The following PRSS38 variants were observed in gnomAD, a reference collection of about 807,000 sequenced individuals.
PRSS38 encodes the protein serine protease 38, also known as marapsin 2.
In PRSS38, 22 loss-of-function variants were observed where a neutral mutation model predicts 26.8. The ratio of observed to expected loss-of-function variants is 0.82; its 90% confidence interval spans 0.59 to 1.17. PRSS38 has a LOEUF of 1.17. Among genes scored for constraint, PRSS38 ranks in the 50% most tolerant of loss-of-function variants. The probability of loss-of-function intolerance (pLI) is 0.00; values close to 1 mark genes in which losing one functional copy is unlikely to be tolerated. For synonymous variants in PRSS38, 175 were observed against 172.1 expected (o/e 1.02, Z -0.13); for missense variants, 427 against 422.7 (o/e 1.01, Z -0.09).
At chr1:227,820,089 C>CA (rs61564441) in intron 3 of PRSS38, among the ~76,000 whole-genome samples, 7,858 of 40,906 alleles carry the variant, frequency 0.19, 920 homozygotes, top group Non-Finnish European at 0.28. Context: ...AACTCCATCT[C>CA]AAAAAAAAAA....
chr1:227,816,456 C>A lies in PRSS38; in HGVS notation c.311+204C>A, dbSNP rs115183411. ...GTCCCCATTCTTGAGGCTGGTCCCC[C>A]AAGTGCACAGCCAGGTCCTCAAGAG... is the stretch of plus-strand genomic sequence containing the variant. On this transcript the variant is annotated intron_variant, in intron 2 of 4. Transcript: ENST00000366757. The surrounding 1 kb of genome is among the most constrained non-coding windows in gnomAD (Gnocchi z 5.1). Among the ~76,000 whole-genome samples, 2,767 of 151,974 alleles carry A rather than the reference C, an allele frequency of 0.018. 94 individuals are homozygous for A. The highest frequency in any genetic ancestry group is 0.063 in the African/African-American group (2,632 of 41,454).
rs1197283602 is a variant in PRSS38 at position 227,817,481 on chromosome 1, G to C, written c.583+1G>C. On this transcript the variant is annotated splice_donor_variant, in intron 3 of 4. Coordinates refer to ENST00000366757, the Ensembl canonical transcript of PRSS38. LOFTEE classifies it high-confidence loss of function. ...GGATGGGGACTAGTCTCAAAACAAG[G>C]TAGGAATACAGTGCAGGGCTTTGTG... is the stretch of plus-strand genomic sequence containing the variant. The C allele has an allele frequency of 6.2e-7, 1 of 1,614,136 alleles. No individual in the cohort carries two copies. The highest frequency in any genetic ancestry group is 1.1e-5 in the South Asian group (1 of 91,066).
chr1:227,842,062 C>G (rs1046460581), intron 3 of PRSS38, among the ~76,000 whole-genome samples: 4 of 152,158 alleles, frequency 2.6e-5, no homozygotes, highest in Admixed American at 6.5e-5. Flanking sequence ...CTCACTCCCC[C>G]CACCTCCACA....
At chr1:227,818,115 A>T (rs771179809) in intron 3 of PRSS38, among the ~76,000 whole-genome samples, 8 of 152,112 alleles carry the variant, frequency 5.3e-5, no homozygotes, top group Non-Finnish European at 1.5e-5. Flanking sequence ...TTGTCTTCTT[A>T]CAATGGTTGG....
At chr1:227,819,631 G>A (rs1198672770) in intron 3 of PRSS38, among the ~76,000 whole-genome samples, 2 of 152,086 alleles carry the variant, frequency 1.3e-5, no homozygotes, top group East Asian at 3.9e-4. Flanking sequence ...ATTTATTTGA[G>A]TCTTTAATTT....
Position 227,816,113 on chromosome 1 carries a change from G to T in PRSS38, c.172G>T (p.Gly58Trp). ...AGCCTGTGGTCGGCCCAGCATGGAG[G>T]GGAAAATCCTGGGCGGCGTCCCTGC... Residue 58 changes from glycine to tryptophan, a missense_variant, in exon 2 of 5, where the codon GGG becomes TGG. Physicochemically the swap from Gly to Trp is radical, Grantham distance 184. Transcript: ENST00000366757. The surrounding 1 kb of genome is among the most constrained non-coding windows in gnomAD (Gnocchi z 5.1). 1 of 1,613,460 alleles carries T rather than the reference G, an allele frequency of 6.2e-7. No homozygotes were observed. Among genetic ancestry groups the T allele is most frequent in the Non-Finnish European group, 8.5e-7 (1 of 1,179,816 alleles).
At chr1:227,826,243 C>T (rs1665072393) in intron 3 of PRSS38, among the ~76,000 whole-genome samples, 1 of 152,136 alleles carries the variant, frequency 6.6e-6, no homozygotes, top group South Asian at 2.1e-4. Context: ...TATCATGAGA[C>T]TTTGCTGAAG....
At position 227,816,285 on chromosome 1, in the gene PRSS38, A is replaced by C. The variant is rs1464356846; in HGVS notation, c.311+33A>C. On this transcript the variant is annotated intron_variant, in intron 2 of 4. Transcript: ENST00000366757. This position sits in a 1 kb window ranked among gnomAD's most constrained non-coding sequence, Gnocchi z 5.1. ...GGCGCCGGCCTGGGATGGTGTGGGT[A>C]GCTGGGCCTGCACGGAGTGCCCACA... The C allele has an allele frequency of 6.3e-7, 1 of 1,595,798 alleles. No homozygotes were observed. Among genetic ancestry groups the C allele is most frequent in the Admixed American group, 1.7e-5 (1 of 59,414 alleles).
intron 3 of PRSS38, among the ~76,000 whole-genome samples, chr1:227,842,868 T>G (rs1399952898): frequency 6.6e-6 from 1 of 152,036 alleles, no homozygotes; most frequent in African/African-American, 2.4e-5. Flanking sequence ...TGAGCCACCA[T>G]GCCCGGCCTC....
chr1:227,836,288 TG>T (rs1665237297), intron 3 of PRSS38, among the ~76,000 whole-genome samples: 1 of 151,976 alleles, frequency 6.6e-6, no homozygotes, highest in African/African-American at 2.4e-5. Context: ...TTTGTAGAGA[TG>T]GGGGTCTCAT....
intron 3 of PRSS38, among the ~76,000 whole-genome samples, chr1:227,843,912 CG>C (rs933345890): frequency 1.9e-4 from 29 of 151,418 alleles, no homozygotes; most frequent in African/African-American, 6.8e-4. Flanking sequence ...CCCAGCTACT[CG>C]GGAGGTGGAG....
intron 3 of PRSS38, among the ~76,000 whole-genome samples, chr1:227,828,643 G>A (rs528448068): frequency 1.2e-4 from 19 of 152,210 alleles, no homozygotes; most frequent in Non-Finnish European, 2.6e-4. Flanking sequence ...GGAGAGTCCA[G>A]ACAATCTGGA....
intron 3 of PRSS38, among the ~76,000 whole-genome samples, chr1:227,820,535 CATTG>C (rs1476886557): frequency 1.3e-5 from 2 of 151,894 alleles, no homozygotes; most frequent in African/African-American, 4.8e-5. Flanking sequence ...ATGTATATTA[CATTG>C]ATTGATGTTC....
At chr1:227,846,226 T>G (rs1665429289) in exon 5 of PRSS38, 11 of 1,603,300 alleles carry the variant, frequency 6.9e-6, no homozygotes, top group Non-Finnish European at 9.3e-6. Context: ...ATACCCACTC[T>G]AGGATTCTCA....
At chr1:227,830,487 G>T (rs1211884935) in intron 3 of PRSS38, among the ~76,000 whole-genome samples, 1 of 144,136 alleles carries the variant, frequency 6.9e-6, no homozygotes, top group Non-Finnish European at 1.5e-5. Context: ...TCTTGAATTA[G>T]TTTAAGGTGT....
chr1:227,829,563 T>C (rs1665122339), intron 3 of PRSS38, among the ~76,000 whole-genome samples: 1 of 152,238 alleles, frequency 6.6e-6, no homozygotes, highest in African/African-American at 2.4e-5. Context: ...ATATGTTTAC[T>C]ATATACAGTA....
At chr1:227,826,889 G>T (rs756299867) in intron 3 of PRSS38, among the ~76,000 whole-genome samples, 6 of 152,154 alleles carry the variant, frequency 3.9e-5, no homozygotes, top group Non-Finnish European at 8.8e-5. Flanking sequence ...TAACATGAAA[G>T]AATGTTTAAT....
intron 3 of PRSS38, among the ~76,000 whole-genome samples, chr1:227,828,530 C>A (rs532998025): frequency 6.6e-6 from 1 of 152,252 alleles, no homozygotes; most frequent in East Asian, 1.9e-4. Flanking sequence ...GCCTGCCAGT[C>A]GCGATAGGCT....
chr1:227,839,984 G>A (rs1572090328), intron 3 of PRSS38, among the ~76,000 whole-genome samples: 1 of 152,204 alleles, frequency 6.6e-6, no homozygotes, highest in Non-Finnish European at 1.5e-5. Flanking sequence ...AAAGACTTGC[G>A]AACAGAAACA....
Sources: gnomAD v4.1 joint callset for allele counts (sites outside exome capture counted in the v4.1 genomes callset) on GRCh38, gnomAD v4.1.1 for gene constraint, Gnocchi (gnomAD v3.1) non-coding constraint, MANE v1.5 for transcripts, NCBI Gene and HGNC (gene_info 2026-07-23, HGNC 2026-07-21) for gene names.